FBXO31: variants seen among roughly 807,000 people sequenced by gnomAD.
The protein encoded by FBXO31 is F-box only protein 31.
Under a neutral mutation model 54.4 loss-of-function variants are expected in FBXO31, and 24 were observed. That is an observed-to-expected ratio of 0.44 (90% confidence interval 0.32 to 0.62). The LOEUF (loss-of-function observed/expected upper bound fraction) is 0.62. Ranked by LOEUF, FBXO31 falls within the 20% of genes least tolerant of loss-of-function variation. The probability of loss-of-function intolerance (pLI) is 0.05; values close to 1 mark genes in which losing one functional copy is unlikely to be tolerated. For missense variants in FBXO31, 665 were observed against 787.1 expected (o/e 0.84, Z 1.86); for synonymous variants, 388 against 335.6 (o/e 1.16, Z -1.71).
upstream of FBXO31, among the ~76,000 whole-genome samples, chr16:87,385,453 G>A (rs947722920): frequency 5.7e-5 from 7 of 122,724 alleles, no homozygotes; most frequent in Non-Finnish European, 1.4e-4. Context: ...GCAAGACTCT[G>A]TCTCAAAAAA....
chr16:87,333,949 G>A lies in FBXO31; in HGVS notation c.1334C>T (p.Pro445Leu). The A allele has an allele frequency of 1.9e-6, 3 of 1,612,274 alleles. No individual in the cohort carries two copies. Among genetic ancestry groups the A allele is most frequent in the African/African-American group, 1.3e-5 (1 of 75,058 alleles). The part of the protein sequence containing the change: ...EQPAQCGQGQ[P>L]FVLPVGVSSR... ...GCTCACGCCCACGGGCAGCACGAACGGCTGCCCCTGCCCACACTGGGCAGG... is the reference window on the plus strand; with the variant it reads ...GCTCACGCCCACGGGCAGCACGAACAGCTGCCCCTGCCCACACTGGGCAGG... Residue 445 changes from proline to leucine, a missense_variant, in exon 8 of 9, where the codon CCG (proline) becomes CTG (leucine). Physicochemically the swap from Pro to Leu is moderately conservative, Grantham distance 98. This residue lies in a region of FBXO31 where 165 missense variants were observed against 159.7 expected (regional missense o/e 1.03). Coordinates refer to ENST00000311635, the MANE Select transcript of FBXO31 (RefSeq NM_024735.5).
intron 2 of FBXO31, among the ~76,000 whole-genome samples, chr16:87,352,889 A>T (rs1171566557): frequency 6.6e-6 from 1 of 152,208 alleles, no homozygotes; most frequent in Non-Finnish European, 1.5e-5. Flanking sequence ...GCGCCGGCAC[A>T]TCTGGGTTCT....
At chr16:87,339,723 T>C (rs559154843) in intron 5 of FBXO31, among the ~76,000 whole-genome samples, 5 of 152,256 alleles carry the variant, frequency 3.3e-5, no homozygotes, top group East Asian at 3.9e-4. Context: ...GCTATTCCAA[T>C]TGCAAGAAGA....
intron 5 of FBXO31, among the ~76,000 whole-genome samples, chr16:87,342,376 G>C (rs1394710399): frequency 6.6e-6 from 1 of 152,138 alleles, no homozygotes; most frequent in Admixed American, 6.5e-5. Context: ...TTTTGAGAGG[G>C]CAGTAAGACT....
At chr16:87,391,234 G>A (rs975407044), upstream of FBXO31, among the ~76,000 whole-genome samples, 3 of 152,124 alleles carry the variant, frequency 2.0e-5, no homozygotes, top group African/African-American at 7.2e-5. Flanking sequence ...TTGAGCCCAG[G>A]CGACCGAGGC....
At chr16:87,367,878 T>G (rs1221814436) in intron 1 of FBXO31, 2 of 152,250 alleles carry the variant, frequency 1.3e-5, no homozygotes, top group African/African-American at 4.8e-5. Flanking sequence ...AGTTTATCTT[T>G]GCTCAGATTG....
chr16:87,343,448 A>T, intron 4 of FBXO31, 150 bp downstream of exon 4: 1 of 939,594 alleles, frequency 1.1e-6, no homozygotes, highest in Non-Finnish European at 1.6e-6. Flanking sequence ...AGGCGTAAAC[A>T]ATGCACAGCA....
chr16:87,353,969 C>T (rs975407316), intron 2 of FBXO31, among the ~76,000 whole-genome samples: 2 of 152,254 alleles, frequency 1.3e-5, no homozygotes, highest in South Asian at 4.1e-4. Context: ...ATGCGGACGT[C>T]TCTGCGGCCC....
At chr16:87,347,469 A>G (rs1001455512) in intron 2 of FBXO31, among the ~76,000 whole-genome samples, 1 of 152,134 alleles carries the variant, frequency 6.6e-6, no homozygotes, top group Non-Finnish European at 1.5e-5. Flanking sequence ...TTACAAGGTC[A>G]GGAGATTCAG....
Position 87,336,508 on chromosome 16 carries a change from C to G in FBXO31, c.733-244G>C, listed in dbSNP as rs1041693760. Among the ~76,000 whole-genome samples, 2 of 152,132 alleles carry G rather than the reference C, an allele frequency of 1.3e-5. No individual in the cohort carries two copies. Among genetic ancestry groups the G allele is most frequent in the African/African-American group, 4.8e-5 (2 of 41,434 alleles). Reference sequence around the variant, plus strand: ...GTTCCGGGCCCTTGGTCTGCTGGGTCGGAGGCAGCAGGGGCTACAGGGAGC... The same window carrying G: ...GTTCCGGGCCCTTGGTCTGCTGGGTGGGAGGCAGCAGGGGCTACAGGGAGC... On this transcript the variant is annotated intron_variant, in intron 5 of 8. Transcript: ENST00000311635. This position sits in a 1 kb window ranked among gnomAD's most constrained non-coding sequence, Gnocchi z 6.5.
chr16:87,379,835 G>C (rs1429107689), intron 1 of FBXO31, among the ~76,000 whole-genome samples: 1 of 151,750 alleles, frequency 6.6e-6, no homozygotes, highest in Non-Finnish European at 1.5e-5. Context: ...TGATCTGCCC[G>C]CCTTGGCCTC....
At chr16:87,365,101 T>C (rs989484511) in intron 1 of FBXO31, among the ~76,000 whole-genome samples, 3 of 141,588 alleles carry the variant, frequency 2.1e-5, no homozygotes, top group Non-Finnish European at 4.6e-5. Context: ...TTTGCAGTGA[T>C]GACAGAAAGA....
chr16:87,335,252 A>G lies in FBXO31; in HGVS notation c.996+52T>C. 6.2e-7 allele frequency: 1 copy of G among 1,606,770 alleles called. No individual in the cohort carries two copies. Among genetic ancestry groups the G allele is most frequent in the African/African-American group, 1.3e-5 (1 of 75,000 alleles). ...CCCAAGTTCCCTGACTCCACAGCCC[A>G]CTTGGGCCAGGTGCCCCCAGAGCCC... On this transcript the variant is annotated intron_variant, in intron 7 of 8. Coordinates refer to ENST00000311635, the MANE Select transcript of FBXO31 (RefSeq NM_024735.5). The surrounding 1 kb of genome is among the most constrained non-coding windows in gnomAD (Gnocchi z 5.7).
intron 1 of FBXO31, among the ~76,000 whole-genome samples, chr16:87,365,604 G>A (rs1245332802): frequency 2.0e-5 from 3 of 152,216 alleles, no homozygotes; most frequent in Non-Finnish European, 4.4e-5. Flanking sequence ...CACGGGCTGT[G>A]AACATCTCTG....
At chr16:87,387,801 C>T (rs773947192), upstream of FBXO31, among the ~76,000 whole-genome samples, 8 of 151,756 alleles carry the variant, frequency 5.3e-5, no homozygotes, top group Non-Finnish European at 1.0e-4. Context: ...CCAGCCTGGG[C>T]GACAGAGAGA....
chr16:87,373,040 T>C (rs1291934599), intron 1 of FBXO31, among the ~76,000 whole-genome samples: 1 of 88,054 alleles, frequency 1.1e-5, no homozygotes, highest in East Asian at 3.6e-4. Flanking sequence ...CGGCCTCTTT[T>C]TTCACATGGC....
chr16:87,365,993 C>T (rs1470199520), intron 1 of FBXO31, among the ~76,000 whole-genome samples: 1 of 152,174 alleles, frequency 6.6e-6, no homozygotes. Context: ...TGCGCCACTG[C>T]ACTCCAGCCT....
chr16:87,390,044 G>T (rs1359669255), upstream of FBXO31: 3 of 152,300 alleles, frequency 2.0e-5, no homozygotes, highest in Admixed American at 2.0e-4. Context: ...ACTTTGGGAG[G>T]CCAAGGCGTG....
chr16:87,349,397 A>G (rs369240956), intron 2 of FBXO31, among the ~76,000 whole-genome samples: 6 of 152,204 alleles, frequency 3.9e-5, no homozygotes, highest in African/African-American at 9.6e-5. Flanking sequence ...GGCAGAGAAC[A>G]AAATGTCATG....
Sources: gnomAD v4.1 joint callset for allele counts (sites outside exome capture counted in the v4.1 genomes callset) on GRCh38, gnomAD v4.1.1 for gene constraint, gnomAD v4.1.1 regional missense constraint, Gnocchi (gnomAD v3.1) non-coding constraint, MANE v1.5 for transcripts, NCBI Gene and HGNC (gene_info 2026-07-23, HGNC 2026-07-21) for gene names.